The following CDC73 variants were observed in gnomAD, a reference collection of about 807,000 sequenced individuals.
The protein encoded by CDC73 is cell division cycle 73.
CDC73 carries 21 observed loss-of-function variants against 83.7 expected under a neutral mutation model. The ratio of observed to expected loss-of-function variants is 0.25; its 90% CI spans 0.18 to 0.36. The LOEUF (loss-of-function observed/expected upper bound fraction) is 0.36, where lower values mean the gene tolerates loss of function less well. Ranked by LOEUF, CDC73 falls within the 10% of genes least tolerant of loss-of-function variation. The pLI is 1.00. For synonymous variants in CDC73, 224 were observed against 212.9 expected (o/e 1.05, Z -0.45); for missense variants, 342 against 653.3 (o/e 0.52, Z 5.19).
At chr1:193,179,473 A>G (rs1485320062) in intron 10 of CDC73, 4 of 152,658 alleles carry the variant, frequency 2.6e-5, no homozygotes, top group African/African-American at 9.6e-5. Context: ...ATGAAATTAA[A>G]TGGTGGTGCT....
chr1:193,189,035 C>A (rs1339619590), intron 10 of CDC73, among the ~76,000 whole-genome samples: 1 of 151,186 alleles, frequency 6.6e-6, no homozygotes, highest in African/African-American at 2.4e-5. Flanking sequence ...CTCACTGCAA[C>A]CTCTGCTTCC....
chr1:193,177,391 G>A (rs530221604), intron 10 of CDC73, among the ~76,000 whole-genome samples: 30 of 140,750 alleles, frequency 2.1e-4, no homozygotes, highest in African/African-American at 6.0e-4. Context: ...TCAGCCGGGC[G>A]CGGTGGCAGG....
intron 11 of CDC73, among the ~76,000 whole-genome samples, chr1:193,204,849 C>T (rs1308469452): frequency 6.6e-6 from 1 of 152,076 alleles, no homozygotes; most frequent in Non-Finnish European, 1.5e-5. Flanking sequence ...TCTCATAGTT[C>T]CGTGGTAGTA....
At chr1:193,245,560 G>C (rs1467132686) in intron 15 of CDC73, among the ~76,000 whole-genome samples, 1 of 152,068 alleles carries the variant, frequency 6.6e-6, no homozygotes, top group Non-Finnish European at 1.5e-5. Context: ...TATCTTTGCT[G>C]TTGTTAATAG....
At chr1:193,248,642 T>C (rs1677993037) in intron 15 of CDC73, among the ~76,000 whole-genome samples, 1 of 152,066 alleles carries the variant, frequency 6.6e-6, no homozygotes, top group Admixed American at 6.6e-5. Context: ...AGTCAAAATA[T>C]TAACATAACC....
At chr1:193,181,949 A>G (rs1446690923) in intron 10 of CDC73, among the ~76,000 whole-genome samples, 2 of 152,132 alleles carry the variant, frequency 1.3e-5, no homozygotes, top group African/African-American at 4.8e-5. Flanking sequence ...TGTACTTTTG[A>G]CCCAAGTTAA....
chr1:193,179,711 TCA>T (rs1429953607), intron 10 of CDC73: 6 of 152,558 alleles, frequency 3.9e-5, no homozygotes, highest in African/African-American at 1.4e-4. Context: ...AAATAATATC[TCA>T]GTTATTTTTA....
intron 2 of CDC73, among the ~76,000 whole-genome samples, chr1:193,128,691 C>G (rs981656306): frequency 2.7e-4 from 41 of 152,220 alleles, no homozygotes; most frequent in African/African-American, 9.6e-4. Context: ...TTAGCTTGAC[C>G]TTTTTAAAAT....
chr1:193,245,081 A>G lies in CDC73; in HGVS notation c.1418-4649A>G, dbSNP rs142325975. On this transcript the variant is annotated intron_variant, in intron 15 of 16. Transcript: ENST00000367435. Reference sequence around the variant, plus strand: ...AGTGATATTTTGATACATACAATGTATAGTTATCAGGTTATCATAATTAGC... The same window carrying G: ...AGTGATATTTTGATACATACAATGTGTAGTTATCAGGTTATCATAATTAGC... Among the ~76,000 whole-genome samples the G allele has an allele frequency of 2.8e-3, 434 of 152,374 alleles. 2 individuals are homozygous for G. The highest frequency in any genetic ancestry group is 0.01 in the African/African-American group (419 of 41,594).
In CDC73 at chr1:193,122,191, G is replaced by A. The variant is rs188082584; in HGVS notation, c.-10G>A. The A allele has an allele frequency of 2.5e-6, 4 of 1,612,742 alleles. No homozygotes were observed. The highest frequency in any genetic ancestry group is 3.3e-5 in the Admixed American group (2 of 59,974). ...GGCGCCCCGAGCCGGCGGAGGCGAG[G>A]GGGGGGAAGATGGCGGACGTGCTTA... is the stretch of plus-strand genomic sequence containing the variant. On this transcript the variant is annotated 5_prime_UTR_variant, in exon 1 of 17. Transcript: ENST00000367435.
At chr1:193,232,579 C>T (rs1186312001) in intron 13 of CDC73, among the ~76,000 whole-genome samples, 2 of 152,194 alleles carry the variant, frequency 1.3e-5, no homozygotes, top group Non-Finnish European at 2.9e-5. Flanking sequence ...TAAAAACAAA[C>T]ATCTTTAGTT....
chr1:193,189,985 G>A (rs765208595), intron 10 of CDC73, among the ~76,000 whole-genome samples: 8 of 152,134 alleles, frequency 5.3e-5, no homozygotes, highest in Non-Finnish European at 1.2e-4. Context: ...CATCTAATGG[G>A]AATGAGCAAA....
chr1:193,144,584 CT>C (rs1421558619), intron 7 of CDC73, among the ~76,000 whole-genome samples: 1 of 152,116 alleles, frequency 6.6e-6, no homozygotes, highest in Non-Finnish European at 1.5e-5. Context: ...CCATTGTGTT[CT>C]TTACTCACGA....
At chr1:193,174,324 G>C (rs1676567818) in intron 10 of CDC73, among the ~76,000 whole-genome samples, 1 of 151,506 alleles carries the variant, frequency 6.6e-6, no homozygotes, top group Non-Finnish European at 1.5e-5. Flanking sequence ...TTTTCTTCTA[G>C]TTATCTTGTT....
chr1:193,214,167 A>C (rs1318003475), intron 13 of CDC73, among the ~76,000 whole-genome samples: 2 of 152,168 alleles, frequency 1.3e-5, no homozygotes, highest in African/African-American at 4.8e-5. Context: ...CATGGGCAAC[A>C]CCAGTGCACT....
At chr1:193,160,401 T>A (rs1238552218) in intron 10 of CDC73, among the ~76,000 whole-genome samples, 3 of 152,062 alleles carry the variant, frequency 2.0e-5, no homozygotes, top group East Asian at 3.8e-4. Flanking sequence ...CAGAAACCAG[T>A]TTGGAAATAT....
At position 193,194,379 on chromosome 1, in the gene CDC73, C is replaced by A. The variant is rs1331029067; in HGVS notation, c.973-9416C>A. The stretch of plus-strand genomic sequence containing the variant: ...ACTTTGTGGCAAGTCAAAGCTGGAA[C>A]ATAGCTCTTAAGACTTACAGATCAA... On this transcript the variant is annotated intron_variant, in intron 10 of 16. Coordinates refer to ENST00000367435, the MANE Select transcript of CDC73 (RefSeq NM_024529.5). Among the ~76,000 whole-genome samples, 3 of 152,164 alleles carry A rather than the reference C, an allele frequency of 2.0e-5. No individual in the cohort carries two copies. The East Asian group carries it at 5.8e-4, about 29-fold the overall frequency.
intron 1 of CDC73, 142 bp downstream of exon 1, chr1:193,122,473 G>A (rs1340208008): frequency 7.4e-6 from 8 of 1,088,006 alleles, no homozygotes; most frequent in Non-Finnish European, 1.1e-5. Flanking sequence ...TCTCTCTAGA[G>A]CAGAAGTTGC....
At chr1:193,206,947 A>C (rs1243434287) in intron 11 of CDC73, among the ~76,000 whole-genome samples, 2 of 152,218 alleles carry the variant, frequency 1.3e-5, no homozygotes, top group African/African-American at 4.8e-5. Flanking sequence ...AATATAACTA[A>C]CAAGAGGCAC....
Sources: gnomAD v4.1 joint callset for allele counts (sites outside exome capture counted in the v4.1 genomes callset) on GRCh38, gnomAD v4.1.1 for gene constraint, MANE v1.5 for transcripts, NCBI Gene and HGNC (gene_info 2026-07-23, HGNC 2026-07-21) for gene names.